The following SHOC1 variants were observed in gnomAD, a reference collection of about 807,000 sequenced individuals.
SHOC1 encodes shortage in chiasmata 1.
A neutral mutation model predicts 179.2 loss-of-function variants in SHOC1; 136 were observed. The ratio of observed to expected loss-of-function variants is 0.76; its 90% CI spans 0.66 to 0.87. The LOEUF is 0.87. Ranked by LOEUF, SHOC1 falls within the 40% of genes least tolerant of loss-of-function variation. The pLI, the probability that SHOC1 is intolerant of heterozygous loss-of-function variation, is 0.00. For missense variants in SHOC1, 1,538 were observed against 1,700.8 expected, an observed-to-expected ratio of 0.90 and a Z score of 1.68; for synonymous variants, 489 against 586.6, an observed-to-expected ratio of 0.83 and a Z score of 2.41.
intron 12 of SHOC1, among the ~76,000 whole-genome samples, chr9:111,736,818 C>A (rs1431481349): frequency 6.6e-6 from 1 of 151,990 alleles, no homozygotes; most frequent in Non-Finnish European, 1.5e-5. Context: ...ACTGTGCATC[C>A]AACTAAGATC....
chr9:111,718,265 T>G lies in SHOC1; in HGVS notation c.2155A>C (p.Thr719Pro). Reference sequence around the variant, plus strand: ...TGTAAGAGAGCGGCATGCTTGAAAGTCATTTCTCTTTCATCAATTGTACCT... The same window carrying G: ...TGTAAGAGAGCGGCATGCTTGAAAGGCATTTCTCTTTCATCAATTGTACCT... ...RQGTIDEREM[T>P]FKHAALLHLL... Residue 719 changes from threonine to proline, a missense_variant, in exon 16 of 28, where the codon ACT becomes CCT. Thr to Pro is a conservative substitution (Grantham distance 38). Coordinates refer to ENST00000682961, the MANE Select transcript of SHOC1 (RefSeq NM_001378211.1). The G allele has an allele frequency of 6.3e-7, 1 of 1,594,782 alleles. No individual in the cohort carries two copies. The highest frequency in any genetic ancestry group is 1.2e-5 in the South Asian group (1 of 86,770).
intron 1 of SHOC1, among the ~76,000 whole-genome samples, chr9:111,793,777 C>T (rs186672144): frequency 2.2e-4 from 33 of 151,268 alleles, no homozygotes; most frequent in Admixed American, 1.6e-3. Flanking sequence ...GAAATGCACA[C>T]GATAATGAGG....
At position 111,758,775 on chromosome 9, in the gene SHOC1, C is replaced by T. The variant is rs781744942; in HGVS notation, c.516G>A (p.Leu172=). 10 of 1,603,358 alleles carry T rather than the reference C, an allele frequency of 6.2e-6. No individual in the cohort carries two copies. The highest frequency in any genetic ancestry group is 1.1e-5 in the South Asian group (1 of 89,108). The change falls in exon 6 of 28, where the codon TTG becomes TTA. Residue 172 remains leucine (L), a synonymous_variant. Transcript: ENST00000682961. ...TTACCAAAAACAGTTTTAGTCTACT[C>T]AAGAGAGTAGGCAAAGTTGGTAGGT... ...RKHLPTLPTL[L]SRLKLFLVKD...
At chr9:111,788,683 C>T (rs913048646) in intron 2 of SHOC1, among the ~76,000 whole-genome samples, 3 of 152,150 alleles carry the variant, frequency 2.0e-5, no homozygotes, top group Non-Finnish European at 2.9e-5. Context: ...TTTCACTAAA[C>T]AGTATAATGT....
intron 13 of SHOC1, 104 bp downstream of exon 13, chr9:111,727,527 CAT>C (rs1833350790): frequency 9.7e-7 from 1 of 1,026,994 alleles, no homozygotes; most frequent in African/African-American, 1.6e-5. Context: ...CAAAAAATAA[CAT>C]AATTTTATCT....
At chr9:111,692,964 G>A (rs1831510829) in intron 26 of SHOC1, among the ~76,000 whole-genome samples, 1 of 152,148 alleles carries the variant, frequency 6.6e-6, no homozygotes, top group South Asian at 2.1e-4. Context: ...ATTCCAAAAT[G>A]ATTTAAAGCT....
chr9:111,698,290 T>G (rs1464295827), intron 24 of SHOC1, among the ~76,000 whole-genome samples: 1 of 152,204 alleles, frequency 6.6e-6, no homozygotes, highest in East Asian at 1.9e-4. Flanking sequence ...TGAATGGTAT[T>G]GCCTAGGTTT....
rs10981009 is a variant in SHOC1, at chr9:111,686,832, G to A, written c.4465C>T (p.Arg1489Cys). 2.5e-3 allele frequency: 4,052 copies of A among 1,613,130 alleles called. 91 individuals carry two copies. In the African/African-American group the frequency reaches 0.045, roughly 18 times the overall value. Residue 1489 changes from arginine (R) to cysteine (C), a missense_variant, in exon 28 of 28, where the codon CGT becomes TGT. Transcript: ENST00000682961. ...CCAGGGACTTTTTCATATGCTAGAC[G>A]TCGTTTTTTGAATTGTGGTAGTTGT... The part of the protein sequence containing the change: ...CSQLPQFKKR[R>C]LAYEKVPGRV...
chr9:111,689,782 T>C (rs1831347185), intron 27 of SHOC1, among the ~76,000 whole-genome samples: 2 of 152,086 alleles, frequency 1.3e-5, no homozygotes, highest in Admixed American at 1.3e-4. Context: ...ATAACTAAAT[T>C]AATGAATTAA....
chr9:111,779,842 T>A (rs1589473226), intron 4 of SHOC1, among the ~76,000 whole-genome samples: 5 of 152,302 alleles, frequency 3.3e-5, no homozygotes, highest in Admixed American at 3.3e-4. Flanking sequence ...GAAGCACTGA[T>A]CCATCATCAT....
intron 4 of SHOC1, among the ~76,000 whole-genome samples, chr9:111,779,564 C>T (rs1835959981): frequency 6.6e-6 from 1 of 152,080 alleles, no homozygotes; most frequent in African/African-American, 2.4e-5. Context: ...CTTTGATTGC[C>T]CAGCCCAAGC....
intron 12 of SHOC1, among the ~76,000 whole-genome samples, chr9:111,735,648 C>T (rs1406058289): frequency 2.0e-5 from 3 of 152,044 alleles, no homozygotes; most frequent in Admixed American, 6.6e-5. Flanking sequence ...AATGAACATA[C>T]GTGTGCATGT....
At chr9:111,698,577 G>A (rs1294960434) in intron 24 of SHOC1, among the ~76,000 whole-genome samples, 2 of 151,874 alleles carry the variant, frequency 1.3e-5, no homozygotes, top group East Asian at 3.8e-4. Context: ...CCAGTACCAT[G>A]CTGTTTTGGT....
chr9:111,739,814 A>C (rs1833956012), intron 11 of SHOC1, among the ~76,000 whole-genome samples: 1 of 152,122 alleles, frequency 6.6e-6, no homozygotes, highest in Non-Finnish European at 1.5e-5. Context: ...GATCATGCCA[A>C]TATATTTTGT....
intron 17 of SHOC1, 133 bp downstream of exon 17, chr9:111,714,312 T>C (rs930348465): frequency 1.3e-6 from 1 of 760,274 alleles, no homozygotes; most frequent in East Asian, 2.6e-5. Context: ...TGTTACCTTA[T>C]TCAAGGACTA....
At chr9:111,764,739 A>G (rs956154946) in intron 5 of SHOC1, among the ~76,000 whole-genome samples, 3 of 152,226 alleles carry the variant, frequency 2.0e-5, no homozygotes, top group African/African-American at 7.2e-5. Flanking sequence ...AACAAATGAC[A>G]AAAGGAATAT....
At chr9:111,745,549 T>C (rs888741292) in intron 10 of SHOC1, among the ~76,000 whole-genome samples, 37 of 152,278 alleles carry the variant, frequency 2.4e-4, no homozygotes, top group African/African-American at 8.9e-4. Context: ...GTGACTGGTA[T>C]CCTTATAAGA....
At chr9:111,734,960 A>C (rs10981041) in intron 12 of SHOC1, among the ~76,000 whole-genome samples, 28,715 of 151,678 alleles carry the variant, frequency 0.19, 2,902 homozygotes, top group Non-Finnish European at 0.22. Flanking sequence ...TAGTTTTTCA[A>C]CCCCTTCCCC....
chr9:111,693,710 C>T (rs1286049223), intron 26 of SHOC1, 89 bp downstream of exon 26: 2 of 811,588 alleles, frequency 2.5e-6, no homozygotes, highest in African/African-American at 1.8e-5. Flanking sequence ...AACTTGGATA[C>T]CTTCATTTTA....
Sources: allele counts gnomAD v4.1 joint callset (sites outside exome capture counted in the v4.1 genomes callset), GRCh38; gene constraint gnomAD v4.1.1; transcripts MANE v1.5; gene names NCBI Gene and HGNC (gene_info 2026-07-23, HGNC 2026-07-21).